The following GIGYF2 variants were observed in gnomAD, a reference collection of about 807,000 sequenced individuals.
GIGYF2 encodes GRB10-interacting GYF protein 2.
A neutral mutation model predicts 208.1 loss-of-function variants in GIGYF2; 25 were observed. That is an observed-to-expected ratio of 0.12 (90% confidence interval 0.09 to 0.17). The LOEUF is 0.17. Ranked by LOEUF, GIGYF2 falls within the 10% of genes least tolerant of loss-of-function variation. The pLI, the probability that GIGYF2 is intolerant of heterozygous loss-of-function variation, is 1.00. For synonymous variants in GIGYF2, 534 were observed against 543.8 expected (o/e 0.98, Z 0.25); for missense variants, 1,302 against 1,579.4 (o/e 0.82, Z 2.98).
chr2:232,784,535 C>T (rs904203101), intron 8 of GIGYF2, among the ~76,000 whole-genome samples: 19 of 151,110 alleles, frequency 1.3e-4, no homozygotes, highest in South Asian at 2.1e-4. Flanking sequence ...GGACTACAGG[C>T]GCCCGCCACC....
At chr2:232,829,289 T>G (rs1701344091) in intron 21 of GIGYF2, among the ~76,000 whole-genome samples, 1 of 152,194 alleles carries the variant, frequency 6.6e-6, no homozygotes, top group Non-Finnish European at 1.5e-5. Context: ...TGTCTTAAAG[T>G]CTATTAAATT....
Position 232,811,328 on chromosome 2 carries a change from A to AGGTCTGAAACTGTTGAAGAAGAAGTGC in GIGYF2, c.1983_1984insGGTCTGAAACTGTTGAAGAAGAAGTGC (p.Gln661_Gln662insGlyLeuLysLeuLeuLysLysLysCys). 6.2e-7 allele frequency: 1 copy of AGGTCTGAAACTGTTGAAGAAGAAGTGC among 1,603,208 alleles called. No individual in the cohort carries two copies. The highest frequency in any genetic ancestry group is 8.5e-7 in the Non-Finnish European group (1 of 1,170,098). On this transcript the variant is annotated inframe_insertion, in exon 17 of 29. Transcript: ENST00000373563. Reference sequence around the variant, plus strand: ...AGCAGCAGTTGGCACTTCTTCTTCAACAGTTTCAGACCTTGAAGATGAGGT... The same window carrying AGGTCTGAAACTGTTGAAGAAGAAGTGC: ...AGCAGCAGTTGGCACTTCTTCTTCAAGGTCTGAAACTGTTGAAGAAGAAGTGCCAGTTTCAGACCTTGAAGATGAGGT...
chr2:232,816,600 T>C (rs576902857), intron 19 of GIGYF2, among the ~76,000 whole-genome samples: 23 of 152,304 alleles, frequency 1.5e-4, no homozygotes, highest in African/African-American at 4.8e-4. Flanking sequence ...ATTCTTCTAA[T>C]TACTGTGATA....
intron 28 of GIGYF2, among the ~76,000 whole-genome samples, chr2:232,851,110 C>T (rs1373660500): frequency 6.6e-6 from 1 of 152,022 alleles, no homozygotes; most frequent in Non-Finnish European, 1.5e-5. Flanking sequence ...CACTTGAGGC[C>T]AGGAGTTTGA....
At position 232,845,862 on chromosome 2, in the gene GIGYF2, C is replaced by T; in HGVS notation, c.3436C>T (p.Leu1146Phe). Residue 1146 changes from leucine to phenylalanine, a missense_variant, in exon 26 of 29, where the codon CTT (leucine) becomes TTT (phenylalanine). By Grantham distance (22) the Leu-to-Phe change is conservative. Around this residue, in one of 8 missense-constraint regions of GIGYF2, gnomAD observed 701 missense variants for 793.0 expected, o/e 0.88. Coordinates refer to ENST00000373563, the MANE Select transcript of GIGYF2 (RefSeq NM_001103146.3). ...TQWCEQMLHA[L>F]NTANNLDVPT... ...GTGGTGTGAACAGATGCTTCATGCC[C>T]TTAATACGGCAAATAACTTGGATGG... 6.2e-7 allele frequency: 1 copy of T among 1,608,692 alleles called. No individual in the cohort carries two copies. Among genetic ancestry groups the T allele is most frequent in the Non-Finnish European group, 8.5e-7 (1 of 1,175,134 alleles).
At chr2:232,721,650 A>G (rs1002665194) in intron 2 of GIGYF2, among the ~76,000 whole-genome samples, 3 of 152,142 alleles carry the variant, frequency 2.0e-5, no homozygotes, top group Non-Finnish European at 4.4e-5. Flanking sequence ...TAGATCATAC[A>G]CGGTCAGGTT....
chr2:232,794,773 C>G lies in GIGYF2; in HGVS notation c.1308C>G (p.Pro436=). The change falls in exon 13 of 29, where the codon CCC becomes CCG. Residue 436 remains proline (P), a synonymous_variant. Coordinates refer to ENST00000373563, the MANE Select transcript of GIGYF2 (RefSeq NM_001103146.3). The stretch of plus-strand genomic sequence containing the variant: ...AAATGGTTGCTGATGTCCAGCAGCC[C>G]CTGTCGCAGATTCCTTCAGATACAG... ...GDEMVADVQQ[P]LSQIPSDTAS... 6.2e-7 allele frequency: 1 copy of G among 1,613,722 alleles called. No homozygotes were observed. The highest frequency in any genetic ancestry group is 1.1e-5 in the South Asian group (1 of 91,050).
Position 232,848,692 on chromosome 2 carries a change from G to A in GIGYF2, c.3684+1121G>A, listed in dbSNP as rs543076971. On this transcript the variant is annotated intron_variant, in intron 27 of 28. Transcript: ENST00000373563. The stretch of plus-strand genomic sequence containing the variant: ...AAAGCACAAAAATTTGGAAAACATG[G>A]CACTAAATAGACCACAAAAAGGGCA... Among the ~76,000 whole-genome samples the A allele has an allele frequency of 2.6e-5, 4 of 152,168 alleles. No individual in the cohort carries two copies. The South Asian group carries it at 8.3e-4, about 32-fold the overall frequency.
chr2:232,764,880 A>G (rs1383941380), intron 8 of GIGYF2, among the ~76,000 whole-genome samples: 1 of 152,182 alleles, frequency 6.6e-6, no homozygotes, highest in East Asian at 1.9e-4. Flanking sequence ...ATATTAATCC[A>G]ATGAGGGTAA....
chr2:232,806,388 G>T lies in GIGYF2; in HGVS notation c.1640-103G>T. On this transcript the variant is annotated intron_variant, in intron 14 of 28. Coordinates refer to ENST00000373563, the MANE Select transcript of GIGYF2 (RefSeq NM_001103146.3). This position sits in a 1 kb window ranked among gnomAD's most constrained non-coding sequence, Gnocchi z 4.0. Reference sequence around the variant, plus strand: ...TAAATTAGATAGTATAAAACATTTTGACAGATGCCACCTCGATGAGAATCA... The same window carrying T: ...TAAATTAGATAGTATAAAACATTTTTACAGATGCCACCTCGATGAGAATCA... 1 of 845,346 alleles carries T rather than the reference G, an allele frequency of 1.2e-6. No homozygotes were observed. The highest frequency in any genetic ancestry group is 1.4e-5 in the South Asian group (1 of 73,946). 52.4% of individuals were successfully genotyped at this position (845,346 alleles called of 1,614,324 possible). A position where few individuals can be genotyped will look rare whatever the true frequency, so the allele number is the denominator to read the frequency against.
intron 27 of GIGYF2, among the ~76,000 whole-genome samples, chr2:232,848,752 C>T (rs1702100689): frequency 6.6e-6 from 1 of 152,198 alleles, no homozygotes; most frequent in Non-Finnish European, 1.5e-5. Context: ...AACAAGAAGG[C>T]ATTGTTTCCT....
chr2:232,739,811 ATATT>A (rs1444672523), intron 3 of GIGYF2, among the ~76,000 whole-genome samples: 2 of 151,936 alleles, frequency 1.3e-5, no homozygotes, highest in Non-Finnish European at 2.9e-5. Flanking sequence ...TAAAAAACAA[ATATT>A]TAGGCCGGGC....
At chr2:232,845,672 A>T (rs1488347972) in intron 25 of GIGYF2, 60 bp from the exon 26 acceptor site, 2 of 1,379,230 alleles carry the variant, frequency 1.5e-6, no homozygotes, top group Non-Finnish European at 2.1e-6. Context: ...ATGGTGTTGT[A>T]CTATAATCAT....
At chr2:232,720,685 C>G (rs1489922781) in intron 2 of GIGYF2, among the ~76,000 whole-genome samples, 1 of 151,928 alleles carries the variant, frequency 6.6e-6, no homozygotes, top group East Asian at 1.9e-4. Flanking sequence ...ACCTCTGCCT[C>G]TCAGGTTCAA....
intron 12 of GIGYF2, among the ~76,000 whole-genome samples, chr2:232,793,283 CG>C (rs1378238111): frequency 6.6e-6 from 1 of 152,128 alleles, no homozygotes; most frequent in Admixed American, 6.6e-5. Flanking sequence ...TCACTGTGAC[CG>C]CTTAGACTCC....
intron 2 of GIGYF2, among the ~76,000 whole-genome samples, chr2:232,726,523 T>C (rs1697210651): frequency 6.6e-6 from 1 of 152,138 alleles, no homozygotes; most frequent in Non-Finnish European, 1.5e-5. Context: ...GGAGGATTGC[T>C]TGAGCTGAGG....
intron 8 of GIGYF2, among the ~76,000 whole-genome samples, chr2:232,772,495 G>T (rs1699307906): frequency 6.6e-6 from 1 of 152,136 alleles, no homozygotes; most frequent in African/African-American, 2.4e-5. Context: ...ATTTTAAAAA[G>T]ATAACATTAG....
intron 28 of GIGYF2, among the ~76,000 whole-genome samples, chr2:232,854,309 A>G (rs1400095273): frequency 6.6e-6 from 1 of 152,172 alleles, no homozygotes; most frequent in African/African-American, 2.4e-5. Context: ...CCTGGGCTAC[A>G]TGCCAAAACC....
intron 3 of GIGYF2, chr2:232,735,713 A>G: frequency 2.2e-5 from 22 of 988,228 alleles, no homozygotes; most frequent in Non-Finnish European, 2.6e-5. Context: ...TCTAGGATTC[A>G]GTTAGCATTG....
Sources: allele counts gnomAD v4.1 joint callset (sites outside exome capture counted in the v4.1 genomes callset), GRCh38; gene constraint gnomAD v4.1.1; regional missense constraint gnomAD v4.1.1; non-coding constraint Gnocchi (gnomAD v3.1); transcripts MANE v1.5; gene names NCBI Gene and HGNC (gene_info 2026-07-23, HGNC 2026-07-21).